Variants in FADS2 observed in about 807,000 individuals in gnomAD.
FADS2 encodes the protein acyl-CoA 6-desaturase.
FADS2 carries 18 observed loss-of-function variants against 61.2 expected under a neutral mutation model. The ratio of observed to expected loss-of-function variants is 0.29; its 90% CI spans 0.20 to 0.44. The LOEUF is 0.44. FADS2 is among the 20% of genes least tolerant of loss of function. The pLI, the probability that FADS2 is intolerant of heterozygous loss-of-function variation, is 1.00. For synonymous variants in FADS2, 203 were observed against 223.9 expected (o/e 0.91, Z 0.83); for missense variants, 322 against 572.7 (o/e 0.56, Z 4.47).
chr11:61,857,590 CG>C, intron 7 of FADS2, 60 bp downstream of exon 7: 2 of 1,472,442 alleles, frequency 1.4e-6, no homozygotes, highest in Non-Finnish European at 1.9e-6. Flanking sequence ...CAGGGGGACC[CG>C]GGGGTCCTAC....
At chr11:61,845,290 C>G (rs568291226) in intron 4 of FADS2, among the ~76,000 whole-genome samples, 1 of 152,024 alleles carries the variant, frequency 6.6e-6, no homozygotes, top group African/African-American at 2.4e-5. Flanking sequence ...TGTGATGAGG[C>G]CAGACCCTCC....
At chr11:61,848,855 A>G (rs1565333028) in intron 5 of FADS2, 1 of 153,506 alleles carries the variant, frequency 6.5e-6, no homozygotes, top group Non-Finnish European at 1.5e-5. Context: ...TGGATAAGAA[A>G]TTGAAGGTCA....
chr11:61,824,455 GGAGGGA>G (rs1565325254), upstream of FADS2, among the ~76,000 whole-genome samples: 4 of 6,250 alleles, frequency 6.4e-4, no homozygotes, highest in Non-Finnish European at 1.3e-3. Flanking sequence ...AGGGAGGGAG[GGAGGGA>G]GAGAGAGAGA....
chr11:61,863,448 C>A, intron 9 of FADS2, 70 bp downstream of exon 9: 2 of 1,210,680 alleles, frequency 1.7e-6, no homozygotes, highest in Middle Eastern at 1.9e-4. Flanking sequence ...ATGATCTGCA[C>A]CTGCTAACAC....
intron 5 of FADS2, among the ~76,000 whole-genome samples, chr11:61,852,920 C>T (rs1048607026): frequency 1.3e-5 from 2 of 151,994 alleles, no homozygotes; most frequent in African/African-American, 4.8e-5. Context: ...TTTGGGAGGC[C>T]GAGGCTGGCG....
At chr11:61,826,178 G>A (rs1363191402), upstream of FADS2, 5 of 702,432 alleles carry the variant, frequency 7.1e-6, no homozygotes, top group Non-Finnish European at 1.0e-5. Flanking sequence ...GGCTGCTGGG[G>A]CTTTTCTCAA....
chr11:61,821,574 G>C, intron 1 of FADS2: 2 of 602,958 alleles, frequency 3.3e-6, no homozygotes, highest in South Asian at 4.0e-5. Flanking sequence ...AGCAATACCG[G>C]TTGTGCTCAG....
rs149350374 is a variant in FADS2, at chr11:61,858,265, A to G, written c.882+735A>G. 2.7e-3 allele frequency among the ~76,000 whole-genome samples: 413 copies of G among 150,856 alleles called. 5 individuals carry two copies. Among genetic ancestry groups the G allele is most frequent in the African/African-American group, 9.5e-3 (392 of 41,094 alleles). On this transcript the variant is annotated intron_variant, in intron 7 of 11. Coordinates refer to ENST00000278840, the MANE Select transcript of FADS2 (RefSeq NM_004265.4). ...TGATCTCGACTCAACTGCAACCTCT[A>G]CCTCCTGGGTGCAAGCAATTCTTGT...
chr11:61,840,024 T>C (rs995005490), intron 2 of FADS2, among the ~76,000 whole-genome samples: 1 of 152,256 alleles, frequency 6.6e-6, no homozygotes, highest in Non-Finnish European at 1.5e-5. Flanking sequence ...ATCTTTGTGT[T>C]GTTTCTACCT....
chr11:61,863,680 C>G, intron 9 of FADS2, 27 bp from the exon 10 acceptor site: 1 of 1,604,418 alleles, frequency 6.2e-7, no homozygotes. Flanking sequence ...TCCTTTGTTC[C>G]CTGACACTCA....
intron 1 of FADS2, among the ~76,000 whole-genome samples, chr11:61,820,490 A>ATT (rs1480273119): frequency 1.3e-5 from 2 of 152,082 alleles, no homozygotes; most frequent in East Asian, 3.9e-4. Context: ...AGTGTCATGT[A>ATT]TTTTGCTACC....
At chr11:61,864,912 C>T (rs2067453066) in intron 10 of FADS2, among the ~76,000 whole-genome samples, 1 of 152,072 alleles carries the variant, frequency 6.6e-6, no homozygotes, top group African/African-American at 2.4e-5. Context: ...CTCTGGCCAC[C>T]CAATATCTTC....
At chr11:61,826,023 G>A, upstream of FADS2, 1 of 701,336 alleles carries the variant, frequency 1.4e-6, no homozygotes, top group South Asian at 1.5e-5. Context: ...ACTCATCACT[G>A]TTCCCCAGTT....
intron 1 of FADS2, among the ~76,000 whole-genome samples, chr11:61,837,513 C>T (rs1196256153): frequency 6.6e-6 from 1 of 152,228 alleles, no homozygotes. Flanking sequence ...CCAAAGGCAG[C>T]CTATGCATCT....
intron 5 of FADS2, among the ~76,000 whole-genome samples, chr11:61,852,253 CTCTT>C (rs2067313301): frequency 6.6e-6 from 1 of 152,056 alleles, no homozygotes; most frequent in Non-Finnish European, 1.5e-5. Context: ...CTCTTTCTCT[CTCTT>C]TTTGTTTTTG....
chr11:61,826,645 C>T (rs1202357282), upstream of FADS2: 6 of 541,472 alleles, frequency 1.1e-5, no homozygotes, highest in East Asian at 3.2e-5. Flanking sequence ...GGGATGTCTG[C>T]TCACACTCAA....
chr11:61,828,693 T>G lies in FADS2; in HGVS notation c.207+96T>G. Reference sequence around the variant, plus strand: ...GGCCAAACAGACCTCCGGCGCTGAATGGAGCTTGGGACGTCCTGTAGGGAA... The same window carrying G: ...GGCCAAACAGACCTCCGGCGCTGAAGGGAGCTTGGGACGTCCTGTAGGGAA... On this transcript the variant is annotated intron_variant, in intron 1 of 11. Coordinates refer to ENST00000278840, the MANE Select transcript of FADS2 (RefSeq NM_004265.4). The surrounding 1 kb of genome is among the most constrained non-coding windows in gnomAD (Gnocchi z 6.4). 4 of 1,115,564 alleles carry G rather than the reference T, an allele frequency of 3.6e-6. No homozygotes were observed. Among genetic ancestry groups the G allele is most frequent in the Non-Finnish European group, 5.2e-6 (4 of 767,064 alleles). 69.1% of individuals were successfully genotyped at this position (1,115,564 alleles called of 1,614,324 possible).
Position 61,828,415 on chromosome 11 carries a change from G to T in FADS2, c.25G>T (p.Glu9Ter). Residue 9 changes from glutamate (E) to a stop codon, truncating the protein, a stop_gained, in exon 1 of 12, where the codon GAG (glutamate) becomes TAG (stop). Coordinates refer to ENST00000278840, the MANE Select transcript of FADS2 (RefSeq NM_004265.4). LOFTEE classifies it high-confidence loss of function. This position sits in a 1 kb window ranked among gnomAD's most constrained non-coding sequence, Gnocchi z 6.4. MGKGGNQG[E>*]GAAEREVSVP... is the part of the protein sequence containing the mutation. ...CATGGGGAAGGGAGGGAACCAGGGCGAGGGGGCCGCCGAGCGCGAGGTGTC... is the reference window on the plus strand; with the variant it reads ...CATGGGGAAGGGAGGGAACCAGGGCTAGGGGGCCGCCGAGCGCGAGGTGTC... The T allele has an allele frequency of 6.3e-7, 1 of 1,575,754 alleles. No individual in the cohort carries two copies. Among genetic ancestry groups the T allele is most frequent in the Non-Finnish European group, 8.6e-7 (1 of 1,161,716 alleles).
In FADS2 at chr11:61,853,150, G is replaced by A. The variant is rs533304276; in HGVS notation, c.745-3861G>A. ...AGCCTGGGCGACAGAGTGAGACTCC[G>A]TCTCAAAACAACAACAACAACAACA... On this transcript the variant is annotated intron_variant, in intron 5 of 11. Transcript: ENST00000278840. Among the ~76,000 whole-genome samples the A allele has an allele frequency of 4.7e-3, 634 of 135,628 alleles. 2 individuals are homozygous for A. Among genetic ancestry groups the A allele is most frequent in the Middle Eastern group, 0.022 (6 of 276 alleles). The allele number at this position is 135,628 out of a possible 152,430, so 89.0% of individuals were successfully genotyped here. A position where few individuals can be genotyped will look rare whatever the true frequency, so the allele number is the denominator to read the frequency against.
Sources: allele counts gnomAD v4.1 joint callset (sites outside exome capture counted in the v4.1 genomes callset), GRCh38; gene constraint gnomAD v4.1.1; non-coding constraint Gnocchi (gnomAD v3.1); transcripts MANE v1.5; gene names NCBI Gene and HGNC (gene_info 2026-07-23, HGNC 2026-07-21).